The following CCDC178 variants were observed in gnomAD, a reference collection of about 807,000 sequenced individuals.
CCDC178 encodes the protein coiled-coil domain containing 178.
In CCDC178, 126 loss-of-function variants were observed where a neutral mutation model predicts 117.4. The ratio of observed to expected loss-of-function variants is 1.07; its 90% CI spans 0.93 to 1.24. The LOEUF (loss-of-function observed/expected upper bound fraction) is 1.24. CCDC178 is among the 50% of genes most tolerant of loss of function. The probability of loss-of-function intolerance (pLI) is 0.00; values close to 1 mark genes in which losing one functional copy is unlikely to be tolerated. For synonymous variants in CCDC178, 283 were observed against 313.4 expected (o/e 0.90, Z 1.02); for missense variants, 1,030 against 986.9 (o/e 1.04, Z -0.59).
intron 20 of CCDC178, among the ~76,000 whole-genome samples, chr18:33,197,264 A>G (rs867846595): frequency 5.3e-5 from 8 of 152,166 alleles, no homozygotes; most frequent in Middle Eastern, 3.2e-3. Flanking sequence ...CCTAGACTCA[A>G]GCGATCCTCA....
At chr18:33,169,250 A>G (rs936089787) in intron 20 of CCDC178, among the ~76,000 whole-genome samples, 7 of 152,208 alleles carry the variant, frequency 4.6e-5, no homozygotes, top group African/African-American at 1.7e-4. Context: ...CAAAAGTGCA[A>G]TTTCAGCTAA....
intron 21 of CCDC178, among the ~76,000 whole-genome samples, chr18:33,083,771 T>A (rs1177417852): frequency 6.6e-6 from 1 of 152,240 alleles, no homozygotes; most frequent in Non-Finnish European, 1.5e-5. Context: ...TTTCCCATAG[T>A]TTTAAACCCA....
intron 12 of CCDC178, among the ~76,000 whole-genome samples, chr18:33,287,642 T>C (rs1482629619): frequency 1.3e-5 from 2 of 152,070 alleles, no homozygotes; most frequent in Non-Finnish European, 2.9e-5. Flanking sequence ...TAGTTGGGTA[T>C]GGTGGCTCAC....
intron 8 of CCDC178, among the ~76,000 whole-genome samples, chr18:33,348,372 T>A (rs1345564954): frequency 6.6e-6 from 1 of 152,026 alleles, no homozygotes; most frequent in Middle Eastern, 3.4e-3. Flanking sequence ...ATATATTTTA[T>A]AAATTGTGAT....
chr18:33,072,184 T>C (rs2057121019), intron 21 of CCDC178, among the ~76,000 whole-genome samples: 1 of 152,160 alleles, frequency 6.6e-6, no homozygotes, highest in Non-Finnish European at 1.5e-5. Flanking sequence ...TCTTTTTGTG[T>C]TTTTCAGATG....
intron 12 of CCDC178, among the ~76,000 whole-genome samples, chr18:33,284,607 A>C (rs2060074585): frequency 6.6e-6 from 1 of 152,180 alleles, no homozygotes; most frequent in Admixed American, 6.5e-5. Flanking sequence ...AATATCTTCT[A>C]TTCGCTTGAG....
At chr18:33,168,796 T>C (rs988050281) in intron 20 of CCDC178, among the ~76,000 whole-genome samples, 1 of 152,218 alleles carries the variant, frequency 6.6e-6, no homozygotes, top group East Asian at 1.9e-4. Context: ...GTTTGTAAAA[T>C]ATTTTGAGCT....
rs561287956 is a variant in CCDC178, at chr18:33,331,183, C to A, written c.879+1991G>T. Among the ~76,000 whole-genome samples the A allele has an allele frequency of 2.1e-4, 31 of 151,060 alleles. No individual in the cohort carries two copies. The South Asian group carries it at 6.1e-3, about 30-fold the overall frequency. ...AAAAACACAGTAAAACAAAGGGATA[C>A]CAATTAAAACACATATAGACAAAAT... On this transcript the variant is annotated intron_variant, in intron 10 of 22. Coordinates refer to ENST00000383096, the MANE Select transcript of CCDC178 (RefSeq NM_001105528.4).
chr18:33,177,204 C>A (rs2144455600), intron 20 of CCDC178, among the ~76,000 whole-genome samples: 1 of 151,856 alleles, frequency 6.6e-6, no homozygotes, highest in South Asian at 2.1e-4. Context: ...GGGGGACTGT[C>A]AGGGGGTTGA....
chr18:33,323,104 T>C (rs971564611), intron 11 of CCDC178: 13 of 152,166 alleles, frequency 8.5e-5, no homozygotes, highest in African/African-American at 4.8e-5. Context: ...AGTTGAAATA[T>C]TGCATGCTAA....
chr18:33,440,742 C>T (rs538303126), upstream of CCDC178: 143 of 154,444 alleles, frequency 9.3e-4, no homozygotes, highest in Middle Eastern at 6.8e-3. Context: ...GTCGGTTATC[C>T]CGTGTCCAGG....
At chr18:33,369,740 G>A (rs373172922) in intron 6 of CCDC178, among the ~76,000 whole-genome samples, 58 of 151,978 alleles carry the variant, frequency 3.8e-4, no homozygotes, top group African/African-American at 1.4e-3. Flanking sequence ...GTCCCAAAAA[G>A]TATGTAAATA....
chr18:33,110,683 T>G (rs1050184960), intron 20 of CCDC178, among the ~76,000 whole-genome samples: 1 of 151,688 alleles, frequency 6.6e-6, no homozygotes, highest in Non-Finnish European at 1.5e-5. Context: ...CTTTTTACAC[T>G]GTATTTTGGT....
At chr18:33,216,447 T>C (rs904437980) in intron 18 of CCDC178, among the ~76,000 whole-genome samples, 6 of 152,070 alleles carry the variant, frequency 3.9e-5, no homozygotes, top group African/African-American at 1.4e-4. Context: ...ACTGTTTGTG[T>C]TCAAATGGAA....
intron 11 of CCDC178, among the ~76,000 whole-genome samples, chr18:33,304,619 C>G (rs1048761891): frequency 6.6e-6 from 1 of 152,162 alleles, no homozygotes; most frequent in Non-Finnish European, 1.5e-5. Context: ...GAATTTCAAC[C>G]CTTCTCTAAC....
intron 21 of CCDC178, 59 bp downstream of exon 21, chr18:33,092,702 C>T (rs1011749988): frequency 1.6e-6 from 2 of 1,239,604 alleles, no homozygotes; most frequent in Non-Finnish European, 2.3e-6. Flanking sequence ...CTACTTTTTA[C>T]TTTTGTAGTG....
intron 22 of CCDC178, among the ~76,000 whole-genome samples, chr18:32,964,656 G>A (rs1367344084): frequency 6.6e-6 from 1 of 151,886 alleles, no homozygotes; most frequent in Non-Finnish European, 1.5e-5. Context: ...CCTTGGATAG[G>A]TGCTGTTTAT....
At chr18:32,982,692 A>G (rs981987404) in intron 21 of CCDC178, among the ~76,000 whole-genome samples, 3 of 152,198 alleles carry the variant, frequency 2.0e-5, no homozygotes, top group African/African-American at 7.2e-5. Flanking sequence ...AAAACCCATT[A>G]GATACAGAAT....
At chr18:33,084,656 CA>C (rs1359361992) in intron 21 of CCDC178, among the ~76,000 whole-genome samples, 4 of 151,754 alleles carry the variant, frequency 2.6e-5, no homozygotes, top group East Asian at 3.9e-4. Flanking sequence ...ATTAAAAATA[CA>C]AAAAATTAGC....
Sources: allele counts gnomAD v4.1 joint callset (sites outside exome capture counted in the v4.1 genomes callset), GRCh38; gene constraint gnomAD v4.1.1; transcripts MANE v1.5; gene names NCBI Gene and HGNC (gene_info 2026-07-23, HGNC 2026-07-21).